FGF13: variants seen among roughly 807,000 people sequenced by gnomAD.
FGF13 encodes the protein fibroblast growth factor homologous factor 2.
Under a neutral mutation model 19.5 loss-of-function variants are expected in FGF13, and 2 were observed. The observed-to-expected ratio is 0.10, with a 90% CI of 0.04 to 0.32. The LOEUF is 0.32. Ranked by LOEUF, FGF13 falls within the 10% of genes least tolerant of loss-of-function variation. FGF13 has a pLI of 1.00. For missense variants in FGF13, 113 were observed against 192.7 expected, an observed-to-expected ratio of 0.59 and a Z score of 2.45; for synonymous variants, 72 against 76.9, an observed-to-expected ratio of 0.94 and a Z score of 0.33.
intron 1 of FGF13, among the ~76,000 whole-genome samples, chrX:138,929,458 T>C (rs897327046): frequency 5.4e-5 from 6 of 111,283 alleles, no homozygotes; most frequent in Non-Finnish European, 1.1e-4. Flanking sequence ...AATCTCCTTT[T>C]TTTATTTGAG....
chrX:138,648,832 A>C (rs780578292), intron 3 of FGF13, among the ~76,000 whole-genome samples: 2 of 111,655 alleles, frequency 1.8e-5, no homozygotes, highest in Non-Finnish European at 3.8e-5. Flanking sequence ...GCATGTCAGA[A>C]ACCTCCAGGC....
At chrX:138,885,425 C>T (rs1190941668) in intron 1 of FGF13, among the ~76,000 whole-genome samples, 2 of 111,447 alleles carry the variant, frequency 1.8e-5, no homozygotes, top group Admixed American at 1.9e-4. Context: ...GGTACCTCTG[C>T]CTGGTAAAGG....
chrX:138,710,039 G>T (rs2090027422), intron 1 of FGF13, among the ~76,000 whole-genome samples: 1 of 111,204 alleles, frequency 9.0e-6, no homozygotes, highest in African/African-American at 3.3e-5. Context: ...ATGCTCGCCT[G>T]AAGGTCTGCC....
At chrX:138,652,968 T>A (rs935686020) in intron 3 of FGF13, among the ~76,000 whole-genome samples, 3 of 112,117 alleles carry the variant, frequency 2.7e-5, no homozygotes, top group African/African-American at 9.7e-5. Context: ...GAAGAATACA[T>A]CTTTCCAAAG....
chrX:139,016,451 A>T (rs1336031782), intron 1 of FGF13, among the ~76,000 whole-genome samples: 3 of 111,625 alleles, frequency 2.7e-5, no homozygotes, highest in Non-Finnish European at 5.7e-5. Flanking sequence ...CACAGGGCTG[A>T]TAGGCAATCC....
At chrX:139,097,303 C>T (rs56252239) in intron 1 of FGF13, among the ~76,000 whole-genome samples, 1 of 110,744 alleles carries the variant, frequency 9.0e-6, no homozygotes, top group Non-Finnish European at 1.9e-5. Context: ...CTAATGATTG[C>T]TGATGACCTA....
chrX:138,928,779 G>A (rs1391526797), intron 1 of FGF13, among the ~76,000 whole-genome samples: 1 of 111,630 alleles, frequency 9.0e-6, no homozygotes, highest in Non-Finnish European at 1.9e-5. Flanking sequence ...GTCAGAATGT[G>A]CCTCAATATC....
At chrX:139,135,737 G>A (rs2083794849) in intron 1 of FGF13, among the ~76,000 whole-genome samples, 1 of 111,168 alleles carries the variant, frequency 9.0e-6, no homozygotes, top group East Asian at 2.9e-4. Flanking sequence ...ATAGTATATG[G>A]AGGTGCTAAA....
At chrX:138,789,218 G>A (rs1485481173) in intron 3 of FGF13, among the ~76,000 whole-genome samples, 2 of 110,532 alleles carry the variant, frequency 1.8e-5, no homozygotes, top group African/African-American at 3.3e-5. Context: ...CGCCAGGCTG[G>A]AGTGCAATGG....
chrX:138,903,848 T>C (rs1265518032), intron 1 of FGF13, among the ~76,000 whole-genome samples: 1 of 111,915 alleles, frequency 8.9e-6, no homozygotes, highest in Non-Finnish European at 1.9e-5. Context: ...TGCTGCTCAA[T>C]AGCAGAATGA....
intron 1 of FGF13, among the ~76,000 whole-genome samples, chrX:139,147,908 A>C (rs965702125): frequency 9.0e-6 from 1 of 111,081 alleles, no homozygotes; most frequent in Non-Finnish European, 1.9e-5. Flanking sequence ...AAAAACAAAA[A>C]CAAAAACAAA....
intron 1 of FGF13, among the ~76,000 whole-genome samples, chrX:139,053,964 C>A (rs764547376): frequency 1.8e-5 from 2 of 110,344 alleles, no homozygotes; most frequent in Non-Finnish European, 3.8e-5. Flanking sequence ...GTTACATTCT[C>A]CTACATGTGG....
At chrX:138,850,125 T>A (rs1159236026) in intron 3 of FGF13, among the ~76,000 whole-genome samples, 1 of 111,459 alleles carries the variant, frequency 9.0e-6, no homozygotes, top group African/African-American at 3.3e-5. Flanking sequence ...AAGTGAATGA[T>A]ATTTTAAAGA....
chrX:138,836,726 C>T lies in FGF13; in HGVS notation c.217+20786G>A, dbSNP rs6635729. Reference sequence around the variant, plus strand: ...CTCAGTCTCAGCCTCAGCCCAGTTCCGAACCCTTGTTGAAGAGGTGATGCA... The same window carrying T: ...CTCAGTCTCAGCCTCAGCCCAGTTCTGAACCCTTGTTGAAGAGGTGATGCA... On this transcript the variant is annotated intron_variant, in intron 3 of 6. Transcript: ENST00000436198. Among the ~76,000 whole-genome samples the T allele has an allele frequency of 1.1e-4, 12 of 111,973 alleles. No individual in the cohort carries two copies. The East Asian group carries it at 1.7e-3, about 16-fold the overall frequency.
upstream of FGF13, among the ~76,000 whole-genome samples, chrX:138,740,658 G>A (rs2090312688): frequency 9.0e-6 from 1 of 111,531 alleles, no homozygotes; most frequent in Admixed American, 9.5e-5. Flanking sequence ...CACAGCCCAG[G>A]GACCTGAACA....
intron 1 of FGF13, among the ~76,000 whole-genome samples, chrX:138,946,140 TATG>T (rs1435051154): frequency 8.9e-6 from 1 of 111,811 alleles, no homozygotes; most frequent in African/African-American, 3.2e-5. Flanking sequence ...GTAAGGTAGG[TATG>T]ATAATACCTC....
intron 1 of FGF13, among the ~76,000 whole-genome samples, chrX:138,951,937 C>A (rs186042358): frequency 0.014 from 1,553 of 110,865 alleles, 26 homozygotes; most frequent in African/African-American, 0.049. Context: ...AGGATACAAA[C>A]AAATGGAAGA....
chrX:139,011,060 T>C (rs1356912625), intron 1 of FGF13, among the ~76,000 whole-genome samples: 1 of 111,156 alleles, frequency 9.0e-6, no homozygotes, highest in Non-Finnish European at 1.9e-5. Flanking sequence ...TTAGAGGAGA[T>C]GGATACATTC....
At chrX:139,000,653 A>T (rs1025735858) in intron 1 of FGF13, among the ~76,000 whole-genome samples, 1 of 111,710 alleles carries the variant, frequency 9.0e-6, no homozygotes, top group Middle Eastern at 4.2e-3. Context: ...CTCTTCAAGG[A>T]GAACTACAAA....
Sources: allele counts gnomAD v4.1 joint callset (sites outside exome capture counted in the v4.1 genomes callset), GRCh38; gene constraint gnomAD v4.1.1; transcripts MANE v1.5; gene names NCBI Gene and HGNC (gene_info 2026-07-23, HGNC 2026-07-21).